Variants in FRMD6 observed in about 807,000 individuals in gnomAD.
The protein encoded by FRMD6 is FERM domain containing 6, also known as FERM domain-containing protein 6.
A neutral mutation model predicts 73.2 loss-of-function variants in FRMD6; 37 were observed. The observed-to-expected ratio is 0.51, with a 90% CI of 0.39 to 0.66. The LOEUF (loss-of-function observed/expected upper bound fraction) is 0.66, where lower values mean the gene tolerates loss of function less well. Among genes scored for constraint, FRMD6 ranks in the 30% least tolerant of loss-of-function variants. The pLI is 0.00. For missense variants in FRMD6, 714 were observed against 780.5 expected, an observed-to-expected ratio of 0.91 and a Z score of 1.02; for synonymous variants, 273 against 282.2, an observed-to-expected ratio of 0.97 and a Z score of 0.33.
chr14:51,625,463 T>TTTG (rs150910846), intron 2 of FRMD6, among the ~76,000 whole-genome samples: 1 of 115,126 alleles, frequency 8.7e-6, no homozygotes, highest in Middle Eastern at 4.0e-3. Context: ...ATCTTTTTTT[T>TTTG]TTGTTGTTGT....
upstream of FRMD6, among the ~76,000 whole-genome samples, chr14:51,486,470 A>G (rs1882762797): frequency 6.6e-6 from 1 of 152,154 alleles, no homozygotes; most frequent in South Asian, 2.1e-4. Flanking sequence ...TGTGCATTCA[A>G]TGCATTGATG....
chr14:51,464,605 C>T, the FRMD6 span, among the ~76,000 whole-genome samples: 5 of 152,136 alleles, frequency 3.3e-5, no homozygotes, highest in African/African-American at 4.8e-5. Flanking sequence ...TACCGCCACT[C>T]GTGCCCTGTT....
intron 1 of FRMD6, among the ~76,000 whole-genome samples, chr14:51,654,212 G>A (rs958128446): frequency 1.3e-5 from 2 of 148,440 alleles, no homozygotes; most frequent in Non-Finnish European, 3.0e-5. Flanking sequence ...GGATGAAGAC[G>A]CTGCTTTTGA....
In FRMD6 at chr14:51,713,025, AAT is replaced by A. The variant is rs1243170967; in HGVS notation, c.849+477_849+478del. On this transcript the variant is annotated intron_variant, in intron 9 of 13. Transcript: ENST00000344768. ...TTCTTAACATGAAAAATACTCTTAC[AAT>A]ATTGAGAATGATACATTTTCTTTTG... Among the ~76,000 whole-genome samples, 13 of 152,342 alleles carry A rather than the reference AAT, an allele frequency of 8.5e-5. No individual in the cohort carries two copies. In the East Asian group the frequency reaches 2.5e-3, roughly 29 times the overall value.
At chr14:51,487,245 G>C (rs999891139), upstream of FRMD6, among the ~76,000 whole-genome samples, 1 of 152,160 alleles carries the variant, frequency 6.6e-6, no homozygotes, top group Non-Finnish European at 1.5e-5. Flanking sequence ...TACAGTCCCT[G>C]TAAATGAATT....
rs1184731683 is a variant in FRMD6 at position 51,721,955 on chromosome 14, A to C, written c.1367A>C (p.Glu456Ala). 3.1e-6 allele frequency: 5 copies of C among 1,613,872 alleles called. No homozygotes were observed. The Admixed American group carries it at 8.3e-5, about 27-fold the overall frequency. The change falls in exon 12 of 14, where the codon GAG becomes GCG. Residue 456 changes from glutamate to alanine, a missense_variant. Glu to Ala is a moderately radical substitution (Grantham distance 107). Transcript: ENST00000344768. Reference sequence around the variant, plus strand: ...TTTCCTTCTTCTGTGTCAGAAATAGAGATGTTGGTTGATGACCCCCGGGAT... The same window carrying C: ...TTTCCTTCTTCTGTGTCAGAAATAGCGATGTTGGTTGATGACCCCCGGGAT... ...LEEDLQDDEI[E>A]MLVDDPRDLE... is the part of the protein sequence containing the mutation.
intron 2 of FRMD6, among the ~76,000 whole-genome samples, chr14:51,611,436 A>T (rs1488891254): frequency 6.6e-6 from 1 of 152,138 alleles, no homozygotes; most frequent in Non-Finnish European, 1.5e-5. Context: ...AAAAAGACTG[A>T]TGCATGGGTC....
Position 51,585,957 on chromosome 14 carries a change from A to G in FRMD6, c.-147+15547A>G, listed in dbSNP as rs1260911584. 7.4e-4 allele frequency among the ~76,000 whole-genome samples: 26 copies of G among 35,178 alleles called. 4 individuals are homozygous for G. In the South Asian group the frequency reaches 0.019, roughly 25 times the overall value. The allele number at this position is 35,178 out of a possible 152,430, so 23.1% of individuals were successfully genotyped here. ...TGTGTGTGTATATATATATATATAT[A>G]TATAACATTTTCTTTATCAAACCTT... is the stretch of plus-strand genomic sequence containing the variant. On this transcript the variant is annotated intron_variant, in intron 2 of 14. Transcript: ENST00000356218.
upstream of FRMD6, among the ~76,000 whole-genome samples, chr14:51,486,503 G>A (rs894667810): frequency 6.6e-6 from 1 of 152,182 alleles, no homozygotes; most frequent in African/African-American, 2.4e-5. Context: ...GACTTTGCAG[G>A]CATTTATGAA....
upstream of FRMD6, chr14:51,650,398 T>C (rs1419510175): frequency 6.9e-6 from 1 of 145,868 alleles, no homozygotes; most frequent in Non-Finnish European, 1.5e-5. Context: ...GCAGTTTTTT[T>C]TTTTTTTTTT....
At chr14:51,430,572 G>A in the FRMD6 span, among the ~76,000 whole-genome samples, 1 of 150,658 alleles carries the variant, frequency 6.6e-6, no homozygotes, top group Non-Finnish European at 1.5e-5. Flanking sequence ...AAAAAGTCAA[G>A]GTCAAACTCT....
intron 2 of FRMD6, among the ~76,000 whole-genome samples, chr14:51,593,181 G>GAGGGAAGTCATGTGGGTGAGGAGAGT: frequency 6.6e-6 from 1 of 152,334 alleles, no homozygotes; most frequent in African/African-American, 2.4e-5. Flanking sequence ...TGCACCTGCA[G>GAGGGAAGTCATGTGGGTGAGGAGAGT]AGGGAAGTCA....
At chr14:51,627,230 T>C (rs1195297217) in intron 2 of FRMD6, among the ~76,000 whole-genome samples, 1 of 152,216 alleles carries the variant, frequency 6.6e-6, no homozygotes, top group African/African-American at 2.4e-5. Context: ...AGCCCTGCAC[T>C]AGCCAAACTT....
At chr14:51,563,708 A>G (rs990916903) in intron 1 of FRMD6, among the ~76,000 whole-genome samples, 2 of 152,222 alleles carry the variant, frequency 1.3e-5, no homozygotes, top group African/African-American at 2.4e-5. Context: ...TGTGGTTGCA[A>G]TACAACTTTG....
chr14:51,412,990 AT>A, the FRMD6 span, among the ~76,000 whole-genome samples: 28,166 of 132,962 alleles, frequency 0.21, 2,670 homozygotes, highest in East Asian at 0.45. Flanking sequence ...CCATAGTTAA[AT>A]TTTTTTTTTT....
chr14:51,622,381 C>A (rs528933309), intron 2 of FRMD6, among the ~76,000 whole-genome samples: 1 of 152,286 alleles, frequency 6.6e-6, no homozygotes, highest in Non-Finnish European at 1.5e-5. Flanking sequence ...CTGACCCTCA[C>A]TATATTTATA....
intron 2 of FRMD6, among the ~76,000 whole-genome samples, chr14:51,590,676 A>G (rs776551794): frequency 3.3e-5 from 5 of 152,220 alleles, no homozygotes; most frequent in Non-Finnish European, 7.3e-5. Context: ...CAGTGAGGTG[A>G]AGGGATATTT....
intron 2 of FRMD6, among the ~76,000 whole-genome samples, chr14:51,581,961 A>C (rs1375236382): frequency 1.3e-5 from 2 of 152,210 alleles, no homozygotes; most frequent in African/African-American, 4.8e-5. Context: ...TCTGTTGTGA[A>C]TATTAAATCC....
At chr14:51,698,370 G>A in intron 3 of FRMD6, 138 bp downstream of exon 3, 1 of 460,618 alleles carries the variant, frequency 2.2e-6, no homozygotes, top group Non-Finnish European at 3.9e-6. Context: ...TTCATTTTTA[G>A]TGTAGGTGTA....
Sources: allele counts gnomAD v4.1 joint callset (sites outside exome capture counted in the v4.1 genomes callset), GRCh38; gene constraint gnomAD v4.1.1; transcripts MANE v1.5; gene names NCBI Gene and HGNC (gene_info 2026-07-23, HGNC 2026-07-21).